Variants in RIMS3 observed in about 807,000 individuals in gnomAD.
The protein encoded by RIMS3 is regulating synaptic membrane exocytosis protein 3.
RIMS3 carries 15 observed loss-of-function variants against 29.2 expected under a neutral mutation model. The observed-to-expected ratio is 0.51, with a 90% confidence interval of 0.34 to 0.79. The LOEUF is 0.79. Among genes scored for constraint, RIMS3 ranks in the 30% least tolerant of loss-of-function variants. The probability of loss-of-function intolerance (pLI) is 0.01; values close to 1 mark genes in which losing one functional copy is unlikely to be tolerated. For missense variants in RIMS3, 342 were observed against 421.4 expected (o/e 0.81, Z 1.65); for synonymous variants, 161 against 170.1 (o/e 0.95, Z 0.41).
intron 3 of RIMS3, among the ~76,000 whole-genome samples, chr1:40,638,694 T>A (rs1646536996): frequency 6.6e-6 from 1 of 152,094 alleles, no homozygotes; most frequent in East Asian, 1.9e-4. Flanking sequence ...GATGGTCCTG[T>A]GTAGACCCAG....
At chr1:40,686,464 A>G in the RIMS3 span, among the ~76,000 whole-genome samples, 2 of 152,256 alleles carry the variant, frequency 1.3e-5, no homozygotes, top group African/African-American at 2.4e-5. Context: ...CTTCCTGGCT[A>G]ACACGGTGAA....
At chr1:40,682,739 A>ATTTTTTTTTTTTTTTTTTTTTT in the RIMS3 span, among the ~76,000 whole-genome samples, 5 of 46,484 alleles carry the variant, frequency 1.1e-4, no homozygotes, top group African/African-American at 2.3e-4. Flanking sequence ...CCCTTTGCAG[A>ATTTTTTTTTTTTTTTTTTTTTT]TCTTTTTTTT....
At chr1:40,649,174 C>T (rs542681457) in intron 1 of RIMS3, among the ~76,000 whole-genome samples, 17 of 145,678 alleles carry the variant, frequency 1.2e-4, no homozygotes, top group African/African-American at 4.0e-4. Flanking sequence ...CAGGCTGGCA[C>T]GTGCATGCAC....
At chr1:40,686,608 G>C in the RIMS3 span, among the ~76,000 whole-genome samples, 1 of 152,216 alleles carries the variant, frequency 6.6e-6, no homozygotes, top group African/African-American at 2.4e-5. Context: ...AGTGAGCTGA[G>C]ATTGCGCCAC....
chr1:40,667,717 C>T (rs1356533962), upstream of RIMS3, among the ~76,000 whole-genome samples: 2 of 152,100 alleles, frequency 1.3e-5, no homozygotes, highest in Non-Finnish European at 2.9e-5. Flanking sequence ...CTAAAACATA[C>T]TATAAAGTCA....
chr1:40,628,117 T>C (rs1332877828), intron 7 of RIMS3, among the ~76,000 whole-genome samples: 1 of 152,154 alleles, frequency 6.6e-6, no homozygotes, highest in East Asian at 1.9e-4. Context: ...TATGTAAGGC[T>C]CCCTACATGC....
chr1:40,652,924 G>A (rs1234575901), intron 1 of RIMS3, among the ~76,000 whole-genome samples: 1 of 152,154 alleles, frequency 6.6e-6, no homozygotes, highest in African/African-American at 2.4e-5. Flanking sequence ...AGGAGTCGTG[G>A]GTGTGGTTAG....
rs143146346 is a variant in RIMS3 at position 40,643,087 on chromosome 1, A to G, written c.-31-1131T>C. 1.2e-3 allele frequency among the ~76,000 whole-genome samples: 186 copies of G among 152,268 alleles called. 3 individuals carry two copies. Among genetic ancestry groups the G allele is most frequent in the African/African-American group, 4.4e-3 (183 of 41,554 alleles). ...TTTCAGTAGAGTTACCGCTTAGATC[A>G]GGCCCAAGTTTATCTCCTCTTTCTC... is the stretch of plus-strand genomic sequence containing the variant. On this transcript the variant is annotated intron_variant, in intron 2 of 7. Coordinates refer to ENST00000372684, the MANE Select transcript of RIMS3 (RefSeq NM_014747.3).
At chr1:40,648,409 T>G (rs1570190099) in intron 1 of RIMS3, among the ~76,000 whole-genome samples, 1 of 152,314 alleles carries the variant, frequency 6.6e-6, no homozygotes, top group Non-Finnish European at 1.5e-5. Flanking sequence ...ATGAAACACA[T>G]GCTCTGCAGG....
At chr1:40,686,943 A>G in the RIMS3 span, among the ~76,000 whole-genome samples, 1 of 151,952 alleles carries the variant, frequency 6.6e-6, no homozygotes, top group African/African-American at 2.4e-5. Context: ...TCTTCTGTAA[A>G]ACCTTCTACC....
rs1259276655 is a variant in RIMS3 at position 40,623,196 on chromosome 1, GCCT to G, written c.*3318_*3320del. The G allele has an allele frequency of 2.6e-6, 1 of 386,546 alleles. No individual in the cohort carries two copies. The highest frequency in any genetic ancestry group is 2.1e-5 in the African/African-American group (1 of 48,380). The allele number at this position is 386,546 out of a possible 1,614,324, so 23.9% of individuals were successfully genotyped here. A position where few individuals can be genotyped will look rare whatever the true frequency, so the allele number is the denominator to read the frequency against. ...GCCTGGGACTTGCTGCATCCCAAGA[GCCT>G]CCTAAGTGCTCCTTTCCTAGTAGAA... On this transcript the variant is annotated 3_prime_UTR_variant, in exon 8 of 8. Transcript: ENST00000372684.
intron 2 of RIMS3, among the ~76,000 whole-genome samples, chr1:40,647,208 G>A (rs572635188): frequency 8.5e-5 from 13 of 152,136 alleles, no homozygotes; most frequent in South Asian, 6.2e-4. Context: ...GTTCAAGGCC[G>A]CACAAAAGCT....
rs1646445782 is a variant in RIMS3, at chr1:40,625,167, T to C, written c.*1350A>G. 1 of 152,396 alleles carries C rather than the reference T, an allele frequency of 6.6e-6. No individual in the cohort carries two copies. Among genetic ancestry groups the C allele is most frequent in the Admixed American group, 6.5e-5 (1 of 15,274 alleles). The allele number at this position is 152,396 out of a possible 1,614,324, so 9.4% of individuals were successfully genotyped here. On this transcript the variant is annotated 3_prime_UTR_variant, in exon 8 of 8. Coordinates refer to ENST00000372684, the MANE Select transcript of RIMS3 (RefSeq NM_014747.3). ...CCACCAACAGGGCCCAGTTGTCAAATCAAGTCAGGGTTTGAGTGGCTGTGA... is the reference window on the plus strand; with the variant it reads ...CCACCAACAGGGCCCAGTTGTCAAACCAAGTCAGGGTTTGAGTGGCTGTGA...
chr1:40,688,435 T>A, the RIMS3 span, among the ~76,000 whole-genome samples: 8 of 152,172 alleles, frequency 5.3e-5, no homozygotes, highest in African/African-American at 1.9e-4. Context: ...CTAATTTTAA[T>A]AGTAAGCAGA....
Position 40,636,067 on chromosome 1 carries a change from C to T in RIMS3, c.218-10G>A, listed in dbSNP as rs762852536. 6.9e-6 allele frequency: 11 copies of T among 1,601,920 alleles called. No homozygotes were observed. In the South Asian group the frequency reaches 1.1e-4, roughly 16 times the overall value. On this transcript the variant is annotated splice_polypyrimidine_tract_variant and intron_variant, in intron 3 of 7. Coordinates refer to ENST00000372684, the MANE Select transcript of RIMS3 (RefSeq NM_014747.3). The surrounding 1 kb of genome is among the most constrained non-coding windows in gnomAD (Gnocchi z 4.2). ...TTCTTGGTGGCCCCTTCTGTGACCC[C>T]CCCAACCCCAAGCACAGAGAGGGAA... is the stretch of plus-strand genomic sequence containing the variant.
chr1:40,660,248 C>T (rs1442933970), intron 1 of RIMS3, among the ~76,000 whole-genome samples: 4 of 151,984 alleles, frequency 2.6e-5, no homozygotes, highest in Admixed American at 6.5e-5. Context: ...AGAGATGAAC[C>T]GGGGACCTTA....
upstream of RIMS3, among the ~76,000 whole-genome samples, chr1:40,670,103 A>T (rs1349124753): frequency 6.6e-6 from 1 of 152,196 alleles, no homozygotes; most frequent in Non-Finnish European, 1.5e-5. Context: ...CACAAGAGAA[A>T]TCCTTCTAAA....
At chr1:40,670,869 C>T in the RIMS3 span, among the ~76,000 whole-genome samples, 3 of 151,604 alleles carry the variant, frequency 2.0e-5, no homozygotes, top group Non-Finnish European at 2.9e-5. Flanking sequence ...TGAGCCACTG[C>T]GCCTGGCCAA....
intron 5 of RIMS3, among the ~76,000 whole-genome samples, chr1:40,631,822 A>G (rs887522003): frequency 2.0e-5 from 3 of 152,018 alleles, no homozygotes; most frequent in Non-Finnish European, 4.4e-5. Context: ...AATACAAAAA[A>G]TTAGCCAGAC....
Sources: allele counts gnomAD v4.1 joint callset (sites outside exome capture counted in the v4.1 genomes callset), GRCh38; gene constraint gnomAD v4.1.1; non-coding constraint Gnocchi (gnomAD v3.1); transcripts MANE v1.5; gene names NCBI Gene and HGNC (gene_info 2026-07-23, HGNC 2026-07-21).